The following EXT1 variants were observed in gnomAD, a reference collection of about 807,000 sequenced individuals.
EXT1 encodes exostosin glycosyltransferase 1.
In EXT1, 20 loss-of-function variants were observed where a neutral mutation model predicts 82.5. That is an observed-to-expected ratio of 0.24 (90% CI 0.17 to 0.35). EXT1 has a LOEUF of 0.35. Ranked by LOEUF, EXT1 falls within the 10% of genes least tolerant of loss-of-function variation. The pLI is 1.00. For synonymous variants in EXT1, 348 were observed against 350.8 expected, an observed-to-expected ratio of 0.99 and a Z score of 0.09; for missense variants, 757 against 936.5, an observed-to-expected ratio of 0.81 and a Z score of 2.50.
At position 117,909,172 on chromosome 8, in the gene EXT1, T is replaced by A. The variant is rs970189348; in HGVS notation, c.963-71971A>T. On this transcript the variant is annotated intron_variant, in intron 1 of 10. Coordinates refer to ENST00000378204, the MANE Select transcript of EXT1 (RefSeq NM_000127.3). ...AAGCTGCTATAGATGAATAACTTGG[T>A]GTCATGGCTAAAAAAGAACAATAAT... is the stretch of plus-strand genomic sequence containing the variant. Among the ~76,000 whole-genome samples the A allele has an allele frequency of 4.7e-3, 718 of 151,952 alleles. 6 individuals carry two copies. The highest frequency in any genetic ancestry group is 0.013 in the African/African-American group (546 of 41,462).
intron 1 of EXT1, among the ~76,000 whole-genome samples, chr8:117,954,160 G>C (rs1329264028): frequency 6.6e-6 from 1 of 152,174 alleles, no homozygotes; most frequent in East Asian, 1.9e-4. Context: ...GGGGCTGTTT[G>C]CTTGACCCGC....
At chr8:117,864,111 G>A (rs560643578) in intron 1 of EXT1, among the ~76,000 whole-genome samples, 1 of 152,240 alleles carries the variant, frequency 6.6e-6, no homozygotes, top group Admixed American at 6.5e-5. Flanking sequence ...GAACAACGCT[G>A]AGAAATAGGT....
chr8:118,038,294 CA>C (rs1816463099), intron 1 of EXT1, among the ~76,000 whole-genome samples: 1 of 152,102 alleles, frequency 6.6e-6, no homozygotes, highest in Non-Finnish European at 1.5e-5. Context: ...ACTAAAATAA[CA>C]ACTAACACTG....
chr8:118,039,423 A>G (rs1387971666), intron 1 of EXT1, among the ~76,000 whole-genome samples: 1 of 151,664 alleles, frequency 6.6e-6, no homozygotes, highest in African/African-American at 2.4e-5. Flanking sequence ...GGCTGGGCCT[A>G]AGGGTGCACG....
chr8:117,942,043 A>G (rs1814291888), intron 1 of EXT1, among the ~76,000 whole-genome samples: 1 of 152,192 alleles, frequency 6.6e-6, no homozygotes, highest in Non-Finnish European at 1.5e-5. Context: ...GGGCCCCAAC[A>G]CTGATGACCT....
At chr8:118,049,389 T>A (rs1463489363) in intron 1 of EXT1, among the ~76,000 whole-genome samples, 1 of 152,118 alleles carries the variant, frequency 6.6e-6, no homozygotes, top group Non-Finnish European at 1.5e-5. Context: ...AGAAACTAAC[T>A]CATTTTCCTG....
chr8:117,872,555 A>G (rs145715972), intron 1 of EXT1, among the ~76,000 whole-genome samples: 78 of 152,372 alleles, frequency 5.1e-4, no homozygotes, highest in African/African-American at 1.8e-3. Flanking sequence ...GTGTGTTGTT[A>G]CCTAAAAATA....
At chr8:118,003,023 A>G (rs76042115) in intron 1 of EXT1, among the ~76,000 whole-genome samples, 4,779 of 151,522 alleles carry the variant, frequency 0.032, 278 homozygotes, top group African/African-American at 0.11. Context: ...TTATATGTGT[A>G]TATATATATA....
intron 1 of EXT1, among the ~76,000 whole-genome samples, chr8:117,857,786 G>A (rs1299156866): frequency 6.6e-6 from 1 of 152,208 alleles, no homozygotes; most frequent in Non-Finnish European, 1.5e-5. Flanking sequence ...CAGAGATGGT[G>A]ATTCCTCTGA....
intron 1 of EXT1, among the ~76,000 whole-genome samples, chr8:117,856,977 T>C (rs1396219359): frequency 1.3e-5 from 2 of 152,166 alleles, no homozygotes; most frequent in African/African-American, 4.8e-5. Flanking sequence ...AAGAATTAAC[T>C]TAAAAGCTGT....
intron 3 of EXT1, among the ~76,000 whole-genome samples, chr8:117,834,527 C>T (rs1200463823): frequency 6.6e-6 from 1 of 152,032 alleles, no homozygotes; most frequent in Non-Finnish European, 1.5e-5. Flanking sequence ...ATCGCTTGAA[C>T]CTGGGAGGCA....
rs145674112 is a variant in EXT1, at chr8:117,915,666, C to A, written c.963-78465G>T. Among the ~76,000 whole-genome samples the A allele has an allele frequency of 6.5e-3, 985 of 152,236 alleles. 12 individuals carry two copies. Among genetic ancestry groups the A allele is most frequent in the African/African-American group, 0.021 (892 of 41,528 alleles). On this transcript the variant is annotated intron_variant, in intron 1 of 10. Transcript: ENST00000378204. ...GGTGAGGAGTTCGAGACCAGCCTAA[C>A]CAACATGGCAAAACCCTGTCTCTGC...
intron 1 of EXT1, among the ~76,000 whole-genome samples, chr8:117,993,895 TC>T (rs1354837455): frequency 6.6e-6 from 1 of 152,178 alleles, no homozygotes; most frequent in Admixed American, 6.5e-5. Context: ...CAAGTCCCCA[TC>T]CCAGCCCTTA....
In EXT1 at chr8:118,080,645, C is replaced by T. The variant is rs143145599; in HGVS notation, c.962+29440G>A. On this transcript the variant is annotated intron_variant, in intron 1 of 10. Transcript: ENST00000378204. ...CTCTGAAGGTAGTTCTTTTAAAACTCGGCCAATAATAATGCCTTTTAAAGT... is the reference window on the plus strand; with the variant it reads ...CTCTGAAGGTAGTTCTTTTAAAACTTGGCCAATAATAATGCCTTTTAAAGT... Among the ~76,000 whole-genome samples, 34 of 152,214 alleles carry T rather than the reference C, an allele frequency of 2.2e-4. No homozygotes were observed. In the East Asian group the frequency reaches 5.4e-3, roughly 24 times the overall value.
At chr8:118,036,814 A>G (rs1816427051) in intron 1 of EXT1, among the ~76,000 whole-genome samples, 1 of 151,920 alleles carries the variant, frequency 6.6e-6, no homozygotes, top group African/African-American at 2.4e-5. Context: ...CCCTTTCTCC[A>G]TTGTTCTTTT....
rs1805779044 is a variant in EXT1 at position 117,862,901 on chromosome 8, A to G, written c.963-25700T>C. 1.4e-5 allele frequency among the ~76,000 whole-genome samples: 2 copies of G among 144,648 alleles called. 1 individual carries two copies. The highest frequency in any genetic ancestry group is 1.4e-4 in the Admixed American group (2 of 14,218). 94.9% of individuals were successfully genotyped at this position (144,648 alleles called of 152,430 possible). A position where few individuals can be genotyped will look rare whatever the true frequency, so the allele number is the denominator to read the frequency against. The stretch of plus-strand genomic sequence containing the variant: ...TGGGAAGAATAATTCGGGAAGTGGA[A>G]AGCATGTATGCAGAGCCCCAGGTTG... On this transcript the variant is annotated intron_variant, in intron 1 of 10. Transcript: ENST00000378204.
intron 9 of EXT1, among the ~76,000 whole-genome samples, chr8:117,805,102 T>C (rs1823218498): frequency 6.6e-6 from 1 of 152,182 alleles, no homozygotes; most frequent in Non-Finnish European, 1.5e-5. Flanking sequence ...AAGAAATGCT[T>C]CATTTAGTCT....
chr8:117,894,137 T>C (rs1813295075), intron 1 of EXT1, among the ~76,000 whole-genome samples: 1 of 152,130 alleles, frequency 6.6e-6, no homozygotes, highest in South Asian at 2.1e-4. Context: ...CTAAAATCTG[T>C]TTTTACTACT....
At chr8:118,088,211 T>C (rs1419664492) in intron 1 of EXT1, among the ~76,000 whole-genome samples, 3 of 152,180 alleles carry the variant, frequency 2.0e-5, no homozygotes, top group Non-Finnish European at 4.4e-5. Context: ...AAAGCCAATG[T>C]CCATGGACAT....
Sources: gnomAD v4.1 joint callset for allele counts (sites outside exome capture counted in the v4.1 genomes callset) on GRCh38, gnomAD v4.1.1 for gene constraint, MANE v1.5 for transcripts, NCBI Gene and HGNC (gene_info 2026-07-23, HGNC 2026-07-21) for gene names.